The following MACROD2 variants were observed in gnomAD, a reference collection of about 807,000 sequenced individuals.
The protein encoded by MACROD2 is ADP-ribose glycohydrolase MACROD2.
Under a neutral mutation model 70.4 loss-of-function variants are expected in MACROD2, and 36 were observed. The ratio of observed to expected loss-of-function variants is 0.51; its 90% CI spans 0.39 to 0.68. The LOEUF is 0.68. MACROD2 is among the 30% of genes least tolerant of loss of function. MACROD2 has a pLI of 0.00. For missense variants in MACROD2, 496 were observed against 538.4 expected (o/e 0.92, Z 0.78); for synonymous variants, 172 against 178.8 (o/e 0.96, Z 0.30).
In MACROD2 at chr20:15,738,304, C is replaced by T. The variant is rs555466630; in HGVS notation, c.646-124441C>T. ...CTGTATCAAAATATTACATATACCC[C>T]GTAAATAAATACACCTACTATGTAA... On this transcript the variant is annotated intron_variant, in intron 8 of 17. Transcript: ENST00000684519. Among the ~76,000 whole-genome samples the T allele has an allele frequency of 8.6e-5, 13 of 151,894 alleles. No individual in the cohort carries two copies. The South Asian group carries it at 1.2e-3, about 15-fold the overall frequency.
intron 6 of MACROD2, among the ~76,000 whole-genome samples, chr20:15,344,882 T>C (rs1439811052): frequency 6.6e-6 from 1 of 152,210 alleles, no homozygotes; most frequent in African/African-American, 2.4e-5. Flanking sequence ...TATGTCTTAG[T>C]TGGTCAGGCT....
intron 5 of MACROD2, among the ~76,000 whole-genome samples, chr20:15,179,704 C>T (rs2076487095): frequency 6.6e-6 from 1 of 152,202 alleles, no homozygotes; most frequent in Non-Finnish European, 1.5e-5. Flanking sequence ...CTCTTTTTCC[C>T]TCCTACCTAT....
chr20:14,534,179 G>GC (rs1328261084), intron 4 of MACROD2, among the ~76,000 whole-genome samples: 1 of 152,160 alleles, frequency 6.6e-6, no homozygotes, highest in Non-Finnish European at 1.5e-5. Flanking sequence ...CACAGGAAGG[G>GC]CCACACCGTC....
intron 8 of MACROD2, among the ~76,000 whole-genome samples, chr20:15,815,191 T>C (rs2063860396): frequency 6.6e-6 from 1 of 152,138 alleles, no homozygotes; most frequent in South Asian, 2.1e-4. Flanking sequence ...TCTTTAAAAA[T>C]GTGAATATGA....
chr20:14,423,785 G>C (rs1298396633), intron 3 of MACROD2, among the ~76,000 whole-genome samples: 1 of 97,356 alleles, frequency 1.0e-5, no homozygotes, highest in African/African-American at 3.1e-5. Flanking sequence ...TTTTTGAGAC[G>C]GAGTTTCGCT....
chr20:14,301,650 C>T (rs2082476119), intron 3 of MACROD2, among the ~76,000 whole-genome samples: 1 of 152,162 alleles, frequency 6.6e-6, no homozygotes, highest in South Asian at 2.1e-4. Context: ...TATTGATTCT[C>T]ACTTTTCTTT....
chr20:15,213,602 A>T (rs2076782918), intron 5 of MACROD2, among the ~76,000 whole-genome samples: 1 of 152,144 alleles, frequency 6.6e-6, no homozygotes, highest in South Asian at 2.1e-4. Context: ...AGGAAGGCCA[A>T]TGTTTTGGCA....
At chr20:15,498,807 A>T (rs1358117798) in intron 7 of MACROD2, among the ~76,000 whole-genome samples, 1 of 152,228 alleles carries the variant, frequency 6.6e-6, no homozygotes, top group Non-Finnish European at 1.5e-5. Flanking sequence ...ATAAGTAATA[A>T]AGTTTAAAAA....
chr20:14,836,468 G>C (rs1399408396), intron 5 of MACROD2, among the ~76,000 whole-genome samples: 1 of 152,024 alleles, frequency 6.6e-6, no homozygotes, highest in Non-Finnish European at 1.5e-5. Context: ...AAAGGCAAAG[G>C]GGTCCACACA....
At chr20:15,919,803 C>T (rs2065375322) in intron 10 of MACROD2, among the ~76,000 whole-genome samples, 2 of 151,986 alleles carry the variant, frequency 1.3e-5, no homozygotes, top group Admixed American at 1.3e-4. Flanking sequence ...GCGGGTATTG[C>T]CCTGTTACAG....
chr20:15,834,269 G>A (rs2064088345), intron 8 of MACROD2, among the ~76,000 whole-genome samples: 1 of 152,184 alleles, frequency 6.6e-6, no homozygotes, highest in Non-Finnish European at 1.5e-5. Flanking sequence ...GAACCCAGGA[G>A]GCAGAGGTTG....
At chr20:15,055,705 G>C (rs1200507698) in intron 5 of MACROD2, among the ~76,000 whole-genome samples, 1 of 151,948 alleles carries the variant, frequency 6.6e-6, no homozygotes, top group Non-Finnish European at 1.5e-5. Context: ...GTTTAGCCCA[G>C]AGTATATTTA....
intron 13 of MACROD2, among the ~76,000 whole-genome samples, chr20:15,982,224 G>T (rs2066411818): frequency 6.6e-6 from 1 of 152,060 alleles, no homozygotes; most frequent in African/African-American, 2.4e-5. Context: ...GTCACTTCCT[G>T]GATTACATAC....
chr20:15,186,723 T>G (rs2076537046), intron 5 of MACROD2, among the ~76,000 whole-genome samples: 1 of 152,154 alleles, frequency 6.6e-6, no homozygotes. Flanking sequence ...TGTCCTTCAA[T>G]GATGAATGTA....
At chr20:16,045,030 T>G (rs932446959) in intron 17 of MACROD2, among the ~76,000 whole-genome samples, 8 of 152,190 alleles carry the variant, frequency 5.3e-5, no homozygotes, top group Non-Finnish European at 1.0e-4. Flanking sequence ...TCTTTAAGCA[T>G]AACACTCAAT....
intron 5 of MACROD2, chr20:14,757,613 G>A (rs765129188): frequency 6.3e-5 from 74 of 1,166,486 alleles, no homozygotes; most frequent in Non-Finnish European, 8.7e-5. Flanking sequence ...CCTTTTTAAG[G>A]AGGGAGTCAT....
intron 8 of MACROD2, among the ~76,000 whole-genome samples, chr20:15,796,053 T>G (rs1210319189): frequency 6.6e-6 from 1 of 152,184 alleles, no homozygotes; most frequent in Non-Finnish European, 1.5e-5. Flanking sequence ...GGGGTGCATC[T>G]GTTAAAAGAC....
intron 3 of MACROD2, among the ~76,000 whole-genome samples, chr20:14,218,696 G>A (rs376529591): frequency 1.3e-5 from 2 of 152,124 alleles, no homozygotes; most frequent in East Asian, 1.9e-4. Flanking sequence ...AAGATTTAGA[G>A]CAACTTTTAG....
intron 10 of MACROD2, among the ~76,000 whole-genome samples, chr20:15,895,471 A>G (rs1432878116): frequency 6.6e-6 from 1 of 152,208 alleles, no homozygotes; most frequent in Non-Finnish European, 1.5e-5. Context: ...TGAGAAAGGG[A>G]GCGCCATCCG....
Sources: allele counts gnomAD v4.1 joint callset (sites outside exome capture counted in the v4.1 genomes callset), GRCh38; gene constraint gnomAD v4.1.1; transcripts MANE v1.5; gene names NCBI Gene and HGNC (gene_info 2026-07-23, HGNC 2026-07-21).